Variants in KCTD9 observed in about 807,000 individuals in gnomAD.
KCTD9 encodes potassium channel tetramerization domain containing 9.
In KCTD9, 17 loss-of-function variants were observed where a neutral mutation model predicts 53.3. The observed-to-expected ratio is 0.32, with a 90% CI of 0.22 to 0.48. KCTD9 has a LOEUF of 0.48. Ranked by LOEUF, KCTD9 falls within the 20% of genes least tolerant of loss-of-function variation. The probability of loss-of-function intolerance (pLI) is 0.99; values close to 1 mark genes in which losing one functional copy is unlikely to be tolerated. For missense variants in KCTD9, 179 were observed against 465.5 expected, an observed-to-expected ratio of 0.38 and a Z score of 5.66; for synonymous variants, 128 against 162.7, an observed-to-expected ratio of 0.79 and a Z score of 1.62.
chr8:25,439,988 G>C (rs1001671837), intron 4 of KCTD9, among the ~76,000 whole-genome samples: 2 of 151,256 alleles, frequency 1.3e-5, no homozygotes, highest in Non-Finnish European at 2.9e-5. Context: ...AGCAGTTGTA[G>C]TCTCCACAAA....
rs779249156 is a variant in KCTD9 at position 25,429,980 on chromosome 8, G to C, written c.1054-7C>G. On this transcript the variant is annotated splice_region_variant and splice_polypyrimidine_tract_variant and intron_variant, in intron 11 of 11. Transcript: ENST00000221200. ...ACCCAGACAGATCACAATTCTGCAA[G>C]ATGAAAACAATATTCATGTAATTCA... The C allele has an allele frequency of 1.4e-6, 2 of 1,445,014 alleles. No homozygotes were observed. Among genetic ancestry groups the C allele is most frequent in the Non-Finnish European group, 1.9e-6 (2 of 1,026,660 alleles). 89.5% of individuals were successfully genotyped at this position (1,445,014 alleles called of 1,614,324 possible).
At chr8:25,445,556 C>T (rs1301286708) in intron 2 of KCTD9, among the ~76,000 whole-genome samples, 1 of 152,086 alleles carries the variant, frequency 6.6e-6, no homozygotes, top group African/African-American at 2.4e-5. Flanking sequence ...CTTTGTTAAG[C>T]ATCTTCCTGC....
intron 4 of KCTD9, 127 bp from the exon 5 acceptor site, chr8:25,439,791 C>T (rs988022457): frequency 2.7e-6 from 4 of 1,504,568 alleles, no homozygotes; most frequent in Non-Finnish European, 3.5e-6. Flanking sequence ...GTAGGAGTAA[C>T]GCTGGGAAAC....
At chr8:25,432,426 T>A (rs984900830) in intron 11 of KCTD9, 78 bp downstream of exon 11, 38 of 1,341,806 alleles carry the variant, frequency 2.8e-5, no homozygotes, top group Non-Finnish European at 3.4e-5. Context: ...ACTACTTTGT[T>A]TTGATTTCAA....
At chr8:25,435,545 C>T in intron 8 of KCTD9, 33 bp from the exon 9 acceptor site, 1 of 1,564,854 alleles carries the variant, frequency 6.4e-7, no homozygotes, top group African/African-American at 1.4e-5. Context: ...GTCACCATAA[C>T]TAAATCGTCT....
intron 6 of KCTD9, 107 bp from the exon 7 acceptor site, chr8:25,436,592 G>T: frequency 4.4e-6 from 3 of 681,202 alleles, no homozygotes; most frequent in Non-Finnish European, 7.2e-6. Context: ...ACATTTAATT[G>T]CCTTTTTAAA....
intron 2 of KCTD9, among the ~76,000 whole-genome samples, chr8:25,445,465 A>G (rs548689481): frequency 6.6e-6 from 1 of 152,268 alleles, no homozygotes; most frequent in East Asian, 1.9e-4. Flanking sequence ...TGTTTTGCCA[A>G]TTAAATGGTA....
chr8:25,456,504 C>G (rs891168824), intron 1 of KCTD9, among the ~76,000 whole-genome samples: 1 of 152,090 alleles, frequency 6.6e-6, no homozygotes, highest in Non-Finnish European at 1.5e-5. Context: ...ATCAGCTGAG[C>G]AGTGAAGATC....
chr8:25,428,375 C>T lies in KCTD9; in HGVS notation c.*1482G>A, dbSNP rs1419540265. The T allele has an allele frequency of 6.6e-6, 1 of 152,348 alleles. No individual in the cohort carries two copies. Among genetic ancestry groups the T allele is most frequent in the Non-Finnish European group, 1.5e-5 (1 of 67,960 alleles). The allele number at this position is 152,348 out of a possible 1,614,324, so 9.4% of individuals were successfully genotyped here. On this transcript the variant is annotated 3_prime_UTR_variant, in exon 12 of 12. Coordinates refer to ENST00000221200, the MANE Select transcript of KCTD9 (RefSeq NM_017634.4). ...ATCTCCTCCCACTATGCATATGTAC[C>T]CTTTACTGTTAAGGAAAGCTTTGCA...
intron 9 of KCTD9, among the ~76,000 whole-genome samples, chr8:25,434,373 T>C (rs1256873037): frequency 6.6e-6 from 1 of 152,212 alleles, no homozygotes; most frequent in Non-Finnish European, 1.5e-5. Flanking sequence ...TTTACAGGCA[T>C]GATCCACCAC....
intron 1 of KCTD9, among the ~76,000 whole-genome samples, chr8:25,453,428 G>A (rs1482431909): frequency 6.6e-6 from 1 of 151,862 alleles, no homozygotes; most frequent in Non-Finnish European, 1.5e-5. Context: ...GGCTGAGGCT[G>A]GCGGATCACG....
intron 6 of KCTD9, 123 bp from the exon 7 acceptor site, chr8:25,436,608 C>T: frequency 3.4e-6 from 2 of 584,528 alleles, no homozygotes; most frequent in South Asian, 2.6e-5. Flanking sequence ...TTAAATGGAG[C>T]AGATCTGAAC....
intron 6 of KCTD9, among the ~76,000 whole-genome samples, chr8:25,437,902 C>G (rs1444758096): frequency 2.1e-5 from 3 of 143,730 alleles, no homozygotes; most frequent in Admixed American, 7.1e-5. Context: ...AATCCCAGCT[C>G]TGCCACTCAC....
At chr8:25,435,593 GTT>G in intron 8 of KCTD9, 81 bp from the exon 9 acceptor site, 1 of 1,289,256 alleles carries the variant, frequency 7.8e-7, no homozygotes, top group Non-Finnish European at 1.1e-6. Context: ...TAACCACCAA[GTT>G]TTTTTTAGAA....
At position 25,454,487 on chromosome 8, in the gene KCTD9, CCA is replaced by C. The variant is rs1437566554; in HGVS notation, c.48+3710_48+3711del. ...GCACTGACATTAAGTTGCTCAGAAG[CCA>C]CACACTGCATGCAGATGTGCAAGTC... is the stretch of plus-strand genomic sequence containing the variant. On this transcript the variant is annotated intron_variant, in intron 1 of 11. Transcript: ENST00000221200. Among the ~76,000 whole-genome samples the C allele has an allele frequency of 2.0e-5, 3 of 152,292 alleles. No individual in the cohort carries two copies. In the East Asian group the frequency reaches 5.8e-4, roughly 29 times the overall value.
chr8:25,430,703 C>T (rs569081314), intron 11 of KCTD9, among the ~76,000 whole-genome samples: 3 of 152,028 alleles, frequency 2.0e-5, no homozygotes, highest in Non-Finnish European at 4.4e-5. Context: ...AACCAGCCCC[C>T]GACTCTGATC....
chr8:25,449,896 T>C (rs1042973705), intron 1 of KCTD9, among the ~76,000 whole-genome samples: 3 of 152,306 alleles, frequency 2.0e-5, no homozygotes, highest in Admixed American at 2.0e-4. Context: ...GAACCCAAAG[T>C]AACAAACTGA....
intron 1 of KCTD9, chr8:25,457,369 A>G (rs569093395): frequency 1.0e-6 from 1 of 985,274 alleles, no homozygotes; most frequent in African/African-American, 1.7e-5. Flanking sequence ...TGCCTCGAAC[A>G]GTGAAAATTT....
chr8:25,439,556 C>A (rs372081233), intron 5 of KCTD9, 50 bp downstream of exon 5: 1 of 1,601,598 alleles, frequency 6.2e-7, no homozygotes, highest in Non-Finnish European at 8.6e-7. Flanking sequence ...AAAGTCAGCA[C>A]AGATATAAAA....
Sources: allele counts gnomAD v4.1 joint callset (sites outside exome capture counted in the v4.1 genomes callset), GRCh38; gene constraint gnomAD v4.1.1; transcripts MANE v1.5; gene names NCBI Gene and HGNC (gene_info 2026-07-23, HGNC 2026-07-21).